CYP2J2: variants seen among roughly 807,000 people sequenced by gnomAD.
CYP2J2 encodes cytochrome P450 family 2 subfamily J member 2.
Under a neutral mutation model 48.8 loss-of-function variants are expected in CYP2J2, and 41 were observed. The observed-to-expected ratio is 0.84, with a 90% CI of 0.66 to 1.09. The LOEUF (loss-of-function observed/expected upper bound fraction) is 1.09. Ranked by LOEUF, CYP2J2 falls within the 50% of genes least tolerant of loss-of-function variation. The probability of loss-of-function intolerance (pLI) is 0.00; values close to 1 mark genes in which losing one functional copy is unlikely to be tolerated. For missense variants in CYP2J2, 644 were observed against 617.3 expected (o/e 1.04, Z -0.46); for synonymous variants, 221 against 227.1 (o/e 0.97, Z 0.24).
intron 6 of CYP2J2, 99 bp from the exon 7 acceptor site, chr1:59,905,157 T>A: frequency 8.2e-7 from 1 of 1,217,508 alleles, no homozygotes; most frequent in Non-Finnish European, 1.1e-6. Flanking sequence ...GTATTTCAAT[T>A]AGTGACCAGG....
In CYP2J2 at chr1:59,904,838, CT is replaced by C. The variant is rs1476368814; in HGVS notation, c.1191+32del. The C allele has an allele frequency of 1.9e-6, 3 of 1,589,598 alleles. No homozygotes were observed. The African/African-American group carries it at 4.1e-5, about 21-fold the overall frequency. On this transcript the variant is annotated intron_variant, in intron 7 of 8. Coordinates refer to ENST00000371204, the MANE Select transcript of CYP2J2 (RefSeq NM_000775.4). ...TTCTCAAGTTCAAGTTTCTACCCCC[CT>C]AAAAGATGGGCTTGAAGATCTGCTT...
At chr1:59,901,971 G>A (rs1176024289) in intron 7 of CYP2J2, among the ~76,000 whole-genome samples, 2 of 152,088 alleles carry the variant, frequency 1.3e-5, no homozygotes, top group Non-Finnish European at 2.9e-5. Context: ...ATTGCTCTCA[G>A]GGCAAAGACT....
chr1:59,899,469 G>A (rs771976745), intron 8 of CYP2J2, among the ~76,000 whole-genome samples: 15 of 152,168 alleles, frequency 9.9e-5, no homozygotes, highest in East Asian at 1.9e-4. Flanking sequence ...GGGTCATTCC[G>A]TTTCTGCCCT....
At chr1:59,951,060 G>A in the CYP2J2 span, among the ~76,000 whole-genome samples, 2 of 152,176 alleles carry the variant, frequency 1.3e-5, no homozygotes, top group Admixed American at 6.5e-5. Context: ...GAATGGCAAC[G>A]TACCTTTGTA....
chr1:59,895,419 G>T (rs763934830), intron 8 of CYP2J2, among the ~76,000 whole-genome samples: 1 of 152,178 alleles, frequency 6.6e-6, no homozygotes, highest in Non-Finnish European at 1.5e-5. Flanking sequence ...AAGTGATACT[G>T]TATTCTTCTC....
At chr1:59,926,823 G>C, upstream of CYP2J2, 4 of 1,359,722 alleles carry the variant, frequency 2.9e-6, no homozygotes, top group South Asian at 3.8e-5. Flanking sequence ...GCCCCGCCTC[G>C]CTCCCAGCCG....
At chr1:59,954,973 C>T in the CYP2J2 span, among the ~76,000 whole-genome samples, 1 of 151,316 alleles carries the variant, frequency 6.6e-6, no homozygotes, top group Non-Finnish European at 1.5e-5. Flanking sequence ...CCCTTCTCTA[C>T]AAAAAAATAC....
chr1:59,928,774 C>A (rs1010064650), upstream of CYP2J2, among the ~76,000 whole-genome samples: 3 of 152,120 alleles, frequency 2.0e-5, no homozygotes, highest in African/African-American at 7.2e-5. Context: ...GAGATGAATG[C>A]CTGAAACAAT....
chr1:59,903,746 G>A (rs1475326904), intron 7 of CYP2J2, among the ~76,000 whole-genome samples: 2 of 152,176 alleles, frequency 1.3e-5, no homozygotes, highest in Admixed American at 6.6e-5. Context: ...AAAATAATAG[G>A]GAGATGCCTT....
In CYP2J2 at chr1:59,909,936, T is replaced by C. The variant is rs1461662594; in HGVS notation, c.709A>G (p.Met237Val). The change falls in exon 5 of 9, where the codon ATG becomes GTG. Residue 237 changes from methionine (M) to valine (V), a missense_variant. Coordinates refer to ENST00000371204, the MANE Select transcript of CYP2J2 (RefSeq NM_000775.4). ...TGGTGGGGTCCAGGCAGGAATTTCA[T>C]TATCCATGGAAAGACATTGTAGAGC... ...CQLYNVFPWIMKFLPGPHQTL... is the reference protein window; with the variant it reads ...CQLYNVFPWIVKFLPGPHQTL... 2.5e-6 allele frequency: 4 copies of C among 1,609,306 alleles called. No individual in the cohort carries two copies. In the South Asian group the frequency reaches 4.5e-5, roughly 18 times the overall value.
At chr1:59,941,395 C>G in the CYP2J2 span, among the ~76,000 whole-genome samples, 1 of 152,134 alleles carries the variant, frequency 6.6e-6, no homozygotes, top group African/African-American at 2.4e-5. Flanking sequence ...ACCTATTGTG[C>G]TGTCAGTCAT....
chr1:59,909,402 G>C lies in CYP2J2; in HGVS notation c.861+382C>G, dbSNP rs543925182. ...TGTTATCATAATAGTCTTTATTAGA[G>C]GTAAATAAGAGGGTCAAAGTCAGAG... On this transcript the variant is annotated intron_variant, in intron 5 of 8. Transcript: ENST00000371204. Among the ~76,000 whole-genome samples the C allele has an allele frequency of 1.2e-4, 19 of 152,218 alleles. No homozygotes were observed. In the South Asian group the frequency reaches 3.9e-3, roughly 32 times the overall value.
rs116623459 is a variant in CYP2J2 at position 59,918,863 on chromosome 1, T to A, written c.211-2763A>T. Reference sequence around the variant, plus strand: ...AGGAATAAAAATTCCAAATGTAGCATAAGCATTTAAAAAAGGGTGGAACAA... The same window carrying A: ...AGGAATAAAAATTCCAAATGTAGCAAAAGCATTTAAAAAAGGGTGGAACAA... On this transcript the variant is annotated intron_variant, in intron 1 of 8. Transcript: ENST00000371204. 4.1e-3 allele frequency among the ~76,000 whole-genome samples: 629 copies of A among 152,168 alleles called. 7 individuals are homozygous for A. The highest frequency in any genetic ancestry group is 0.015 in the African/African-American group (604 of 41,532).
At chr1:59,960,970 A>C in the CYP2J2 span, among the ~76,000 whole-genome samples, 1 of 152,356 alleles carries the variant, frequency 6.6e-6, no homozygotes, top group African/African-American at 2.4e-5. Context: ...CCTCCACTTC[A>C]TACTATACAC....
intron 8 of CYP2J2, among the ~76,000 whole-genome samples, chr1:59,894,897 A>G (rs1468103932): frequency 6.6e-6 from 1 of 152,204 alleles, no homozygotes; most frequent in Non-Finnish European, 1.5e-5. Flanking sequence ...AGCTTTCTGT[A>G]TATTACAATT....
At chr1:59,927,202 A>G (rs1044771267), upstream of CYP2J2, among the ~76,000 whole-genome samples, 1 of 152,188 alleles carries the variant, frequency 6.6e-6, no homozygotes, top group African/African-American at 2.4e-5. Context: ...GGAAACAGAA[A>G]AGTTAAGTAC....
chr1:59,915,910 C>A, intron 2 of CYP2J2, 28 bp downstream of exon 2: 1 of 1,605,862 alleles, frequency 6.2e-7, no homozygotes, highest in Non-Finnish European at 8.5e-7. Flanking sequence ...ACATCAAACA[C>A]TCACCTTTCG....
In CYP2J2 at chr1:59,907,877, G is replaced by C; in HGVS notation, c.912C>G (p.Ser304Arg). The change falls in exon 6 of 9, where the codon AGC (serine) becomes AGG (arginine). Residue 304 changes from serine to arginine, a missense_variant. Ser to Arg is a moderately radical substitution (Grantham distance 110). Coordinates refer to ENST00000371204, the MANE Select transcript of CYP2J2 (RefSeq NM_000775.4). The part of the protein sequence containing the change: ...SSFHEENLIC[S>R]TLDLFFAGTE... ...TTCCGGCAAAGAAGAGGTCCAGGGT[G>C]CTGCAGATGAGGTTTTCTTCATGGA... 3 of 1,614,032 alleles carry C rather than the reference G, an allele frequency of 1.9e-6. No homozygotes were observed. Among genetic ancestry groups the C allele is most frequent in the Non-Finnish European group, 2.5e-6 (3 of 1,179,882 alleles).
chr1:59,958,812 C>G, the CYP2J2 span, among the ~76,000 whole-genome samples: 2 of 152,290 alleles, frequency 1.3e-5, no homozygotes, highest in South Asian at 4.1e-4. Flanking sequence ...TGCTTATACT[C>G]TAGACCATGC....
Sources: allele counts gnomAD v4.1 joint callset (sites outside exome capture counted in the v4.1 genomes callset), GRCh38; gene constraint gnomAD v4.1.1; transcripts MANE v1.5; gene names NCBI Gene and HGNC (gene_info 2026-07-23, HGNC 2026-07-21).